ZNF578: variants seen among roughly 807,000 people sequenced by gnomAD.
ZNF578 encodes zinc finger protein 578.
ZNF578 carries 8 observed loss-of-function variants against 8.3 expected under a neutral mutation model. That is an observed-to-expected ratio of 0.96 (90% CI 0.56 to 1.74). ZNF578 has a LOEUF of 1.74. Ranked by LOEUF, ZNF578 falls within the 40% of genes most tolerant of loss-of-function variation. The pLI, the probability that ZNF578 is intolerant of heterozygous loss-of-function variation, is 0.00. For synonymous variants in ZNF578, 206 were observed against 232.2 expected, an observed-to-expected ratio of 0.89 and a Z score of 1.03; for missense variants, 726 against 707.5, an observed-to-expected ratio of 1.03 and a Z score of -0.30.
At chr19:52,460,237 C>T (rs1359779622) in intron 2 of ZNF578, among the ~76,000 whole-genome samples, 1 of 151,880 alleles carries the variant, frequency 6.6e-6, no homozygotes, top group African/African-American at 2.4e-5. Flanking sequence ...CCTTACTGAC[C>T]TCAGTAATGG....
intron 4 of ZNF578, among the ~76,000 whole-genome samples, chr19:52,503,291 C>A (rs2059413865): frequency 1.3e-5 from 2 of 152,138 alleles, no homozygotes; most frequent in Non-Finnish European, 2.9e-5. Flanking sequence ...AGTGATCCTC[C>A]CCTCTTGGCC....
intron 2 of ZNF578, among the ~76,000 whole-genome samples, chr19:52,483,882 G>A (rs199505610): frequency 6.6e-6 from 1 of 152,114 alleles, no homozygotes; most frequent in African/African-American, 2.4e-5. Flanking sequence ...ACTTGTGGGC[G>A]TTTCTCATCA....
At chr19:52,505,388 AAT>A (rs909164729) in intron 5 of ZNF578, among the ~76,000 whole-genome samples, 18 of 151,192 alleles carry the variant, frequency 1.2e-4, no homozygotes, top group African/African-American at 4.4e-4. Context: ...TTTTCACACC[AAT>A]ATATGTCATT....
chr19:52,461,818 T>G (rs572674826), intron 2 of ZNF578, among the ~76,000 whole-genome samples: 1 of 152,312 alleles, frequency 6.6e-6, no homozygotes, highest in South Asian at 2.1e-4. Context: ...AATATGAGAT[T>G]GGGCCATCAT....
rs117037804 is a variant in ZNF578, at chr19:52,505,389, A to G, written c.190+608A>G. Among the ~76,000 whole-genome samples, 113 of 151,022 alleles carry G rather than the reference A, an allele frequency of 7.5e-4. 1 individual carries two copies. In the East Asian group the frequency reaches 0.02, roughly 27 times the overall value. ...TGTTCATTTCACATTTTTCACACCA[A>G]TATATGTCATTGTTCATTTTTTGTT... On this transcript the variant is annotated intron_variant, in intron 5 of 5. Transcript: ENST00000421239.
At chr19:52,496,341 T>A (rs2059386276) in intron 3 of ZNF578, among the ~76,000 whole-genome samples, 1 of 149,418 alleles carries the variant, frequency 6.7e-6, no homozygotes, top group Non-Finnish European at 1.5e-5. Flanking sequence ...TATTTATTTA[T>A]TTATTTGAGA....
At chr19:52,493,802 C>A (rs1388030792) in intron 3 of ZNF578, among the ~76,000 whole-genome samples, 1 of 151,052 alleles carries the variant, frequency 6.6e-6, no homozygotes, top group African/African-American at 2.4e-5. Flanking sequence ...ACCAGCCTGT[C>A]CAACATGGAG....
Position 52,471,012 on chromosome 19 carries a change from CAT to C in ZNF578, c.-122+14055_-122+14056del, listed in dbSNP as rs946095016. ...TTCTTGTGAGATCTGGTTGTTTAAACATGTGTGGCACCTACCCCCACCCACTT... is the reference window on the plus strand; with the variant it reads ...TTCTTGTGAGATCTGGTTGTTTAAACGTGTGGCACCTACCCCCACCCACTT... On this transcript the variant is annotated intron_variant, in intron 2 of 5. Coordinates refer to ENST00000421239, the MANE Select transcript of ZNF578 (RefSeq NM_001099694.2). 3.3e-4 allele frequency among the ~76,000 whole-genome samples: 50 copies of C among 152,276 alleles called. 1 individual carries two copies. The highest frequency in any genetic ancestry group is 1.1e-3 in the African/African-American group (45 of 41,552).
At chr19:52,473,039 T>G (rs1342397487) in intron 2 of ZNF578, among the ~76,000 whole-genome samples, 1 of 152,168 alleles carries the variant, frequency 6.6e-6, no homozygotes, top group Non-Finnish European at 1.5e-5. Flanking sequence ...CTAGTAATAT[T>G]CCTTGAGTTA....
At chr19:52,478,801 C>T (rs2059316006) in intron 2 of ZNF578, among the ~76,000 whole-genome samples, 1 of 152,012 alleles carries the variant, frequency 6.6e-6, no homozygotes, top group Non-Finnish European at 1.5e-5. Context: ...GCAACCTCTG[C>T]CTCCCGGGTT....
At chr19:52,480,346 C>T (rs945678071) in intron 2 of ZNF578, among the ~76,000 whole-genome samples, 3 of 151,990 alleles carry the variant, frequency 2.0e-5, no homozygotes, top group South Asian at 2.1e-4. Flanking sequence ...ACATACTGAC[C>T]GAAATAAAAT....
At chr19:52,492,163 A>C (rs1199889695) in intron 3 of ZNF578, among the ~76,000 whole-genome samples, 3 of 39,656 alleles carry the variant, frequency 7.6e-5, no homozygotes, top group African/African-American at 6.0e-4. Flanking sequence ...GTCTCAAAAA[A>C]AAAAAAAAAA....
chr19:52,514,192 CATA>C lies in ZNF578; in HGVS notation c.*2041_*2043del, dbSNP rs2059463040. Among the ~76,000 whole-genome samples, 2 of 152,070 alleles carry C rather than the reference CATA, an allele frequency of 1.3e-5. No individual in the cohort carries two copies. The highest frequency in any genetic ancestry group is 2.1e-4 in the South Asian group (1 of 4,830). On this transcript the variant is annotated 3_prime_UTR_variant, in exon 6 of 6. Transcript: ENST00000421239. ...GTTTTAATAGTTTTATTTCTTAACA[CATA>C]ATGACTTCTGAAAGATGCCTTTGCA...
intron 4 of ZNF578, 137 bp from the exon 5 acceptor site, chr19:52,504,518 T>G (rs1291025848): frequency 6.6e-7 from 1 of 1,517,012 alleles, no homozygotes; most frequent in African/African-American, 1.4e-5. Flanking sequence ...GAAAAAAAAT[T>G]CAAAAATACC....
chr19:52,455,200 T>A (rs2059235903), intron 1 of ZNF578: 1 of 145,024 alleles, frequency 6.9e-6, no homozygotes, highest in African/African-American at 2.5e-5. Context: ...TATCTTTTTT[T>A]TTTTTTTTTT....
At position 52,512,339 on chromosome 19, in the gene ZNF578, T is replaced by C; in HGVS notation, c.*185T>C. ...CAGGCCATTCATGGTGTAGGGAAACTTGACTAATGTAATGATTGTCACAAA... is the reference window on the plus strand; with the variant it reads ...CAGGCCATTCATGGTGTAGGGAAACCTGACTAATGTAATGATTGTCACAAA... On this transcript the variant is annotated 3_prime_UTR_variant, in exon 6 of 6. Coordinates refer to ENST00000421239, the MANE Select transcript of ZNF578 (RefSeq NM_001099694.2). 16 of 1,526,874 alleles carry C rather than the reference T, an allele frequency of 1.0e-5. No homozygotes were observed. The highest frequency in any genetic ancestry group is 1.8e-6 in the Non-Finnish European group (2 of 1,102,142). The allele number at this position is 1,526,874 out of a possible 1,614,324, so 94.6% of individuals were successfully genotyped here. A position where few individuals can be genotyped will look rare whatever the true frequency, so the allele number is the denominator to read the frequency against.
intron 5 of ZNF578, among the ~76,000 whole-genome samples, chr19:52,507,961 C>G (rs979401673): frequency 6.6e-6 from 1 of 151,982 alleles, no homozygotes; most frequent in African/African-American, 2.4e-5. Flanking sequence ...AGACAGGAGA[C>G]TCACTTGAAT....
In ZNF578 at chr19:52,511,890, A is replaced by T. The variant is rs763728200; in HGVS notation, c.1509A>T (p.Arg503Ser). Residue 503 changes from arginine (R) to serine (S), a missense_variant, in exon 6 of 6, where the codon AGA (arginine) becomes AGT (serine). Coordinates refer to ENST00000421239, the MANE Select transcript of ZNF578 (RefSeq NM_001099694.2). ...GGTCATCTCTTCCATGCCATCGTAGACTTCATAGTGGTGAGAAACCTTACA... is the reference window on the plus strand; with the variant it reads ...GGTCATCTCTTCCATGCCATCGTAGTCTTCATAGTGGTGAGAAACCTTACA... ...SHRSSLPCHR[R>S]LHSGEKPYKC... 6.2e-7 allele frequency: 1 copy of T among 1,613,722 alleles called. No individual in the cohort carries two copies. Among genetic ancestry groups the T allele is most frequent in the Non-Finnish European group, 8.5e-7 (1 of 1,179,896 alleles).
At position 52,512,002 on chromosome 19, in the gene ZNF578, T is replaced by G; in HGVS notation, c.1621T>G (p.Cys541Gly). Residue 541 changes from cysteine to glycine, a missense_variant, in exon 6 of 6, where the codon TGT (cysteine) becomes GGT (glycine). By Grantham distance (159) the Cys-to-Gly change is radical. Transcript: ENST00000421239. The part of the protein sequence containing the change: ...RLHTGEKPYK[C>G]KVCDKAFMCH... ...TCATACTGGAGAGAAACCTTACAAA[T>G]GTAAGGTTTGTGACAAGGCTTTCAT... The G allele has an allele frequency of 1.2e-6, 2 of 1,614,076 alleles. No individual in the cohort carries two copies. Among genetic ancestry groups the G allele is most frequent in the Non-Finnish European group, 1.7e-6 (2 of 1,180,016 alleles).
Sources: gnomAD v4.1 joint callset for allele counts (sites outside exome capture counted in the v4.1 genomes callset) on GRCh38, gnomAD v4.1.1 for gene constraint, MANE v1.5 for transcripts, NCBI Gene and HGNC (gene_info 2026-07-23, HGNC 2026-07-21) for gene names.